Variants in WNT7A observed in about 807,000 individuals in gnomAD.
WNT7A encodes Wnt family member 7A, also known as protein Wnt-7a.
WNT7A carries 16 observed loss-of-function variants against 28.2 expected under a neutral mutation model. That is an observed-to-expected ratio of 0.57 (90% CI 0.38 to 0.86). The LOEUF (loss-of-function observed/expected upper bound fraction) is 0.86. WNT7A is among the 40% of genes least tolerant of loss of function. The probability of loss-of-function intolerance (pLI) is 0.00; values close to 1 mark genes in which losing one functional copy is unlikely to be tolerated. For missense variants in WNT7A, 411 were observed against 489.7 expected, an observed-to-expected ratio of 0.84 and a Z score of 1.52; for synonymous variants, 190 against 195.9, an observed-to-expected ratio of 0.97 and a Z score of 0.25.
At chr3:13,835,590 C>T (rs1212216085) in intron 3 of WNT7A, among the ~76,000 whole-genome samples, 1 of 152,246 alleles carries the variant, frequency 6.6e-6, no homozygotes, top group Non-Finnish European at 1.5e-5. Flanking sequence ...TCAGACCCTT[C>T]TCTCTTGGCC....
At chr3:13,824,444 T>C (rs1235177472) in intron 3 of WNT7A, among the ~76,000 whole-genome samples, 1 of 152,240 alleles carries the variant, frequency 6.6e-6, no homozygotes, top group Admixed American at 6.5e-5. Flanking sequence ...CTTTTCCTTT[T>C]CATGGCTGAA....
At chr3:13,872,751 GGCAC>G (rs1559308544) in intron 2 of WNT7A, among the ~76,000 whole-genome samples, 2 of 152,108 alleles carry the variant, frequency 1.3e-5, no homozygotes, top group African/African-American at 2.4e-5. Flanking sequence ...TCCTTGTCCA[GGCAC>G]TGCCCTGCAC....
chr3:13,830,982 TGGGTTAAATGACCGAA>T (rs1010969352), intron 3 of WNT7A, among the ~76,000 whole-genome samples: 2 of 152,210 alleles, frequency 1.3e-5, no homozygotes, highest in African/African-American at 4.8e-5. Flanking sequence ...ATGCAGCAGC[TGGGTTAAATGACCGAA>T]GGTGGAGTTC....
intron 3 of WNT7A, among the ~76,000 whole-genome samples, chr3:13,831,877 A>G (rs1694283592): frequency 6.6e-6 from 1 of 152,074 alleles, no homozygotes; most frequent in Non-Finnish European, 1.5e-5. Context: ...GTATCTCCCC[A>G]GAGTCCCGCC....
chr3:13,865,803 C>T (rs184683584), intron 2 of WNT7A, among the ~76,000 whole-genome samples: 1 of 152,098 alleles, frequency 6.6e-6, no homozygotes, highest in East Asian at 2.0e-4. Flanking sequence ...CCCCAGGACA[C>T]ATGCTGGCGG....
intron 3 of WNT7A, among the ~76,000 whole-genome samples, chr3:13,841,662 A>G (rs547870287): frequency 1.3e-5 from 2 of 152,276 alleles, no homozygotes; most frequent in African/African-American, 4.8e-5. Flanking sequence ...TCGAAGGCAC[A>G]GAGGGGAAAA....
chr3:13,875,325 C>T (rs964427990), intron 1 of WNT7A, 152 bp from the exon 2 acceptor site: 40 of 707,854 alleles, frequency 5.7e-5, no homozygotes, highest in African/African-American at 2.1e-4. Flanking sequence ...CATGTCCATT[C>T]GAATAGAAAC....
intron 1 of WNT7A, chr3:13,875,900 G>T (rs969547608): frequency 5.2e-5 from 8 of 152,944 alleles, no homozygotes; most frequent in African/African-American, 1.9e-4. Flanking sequence ...CATGTGCCAC[G>T]TACCATGCTA....
intron 2 of WNT7A, among the ~76,000 whole-genome samples, chr3:13,873,194 A>T (rs914331861): frequency 2.6e-5 from 4 of 152,078 alleles, no homozygotes; most frequent in African/African-American, 9.7e-5. Flanking sequence ...CCAACTAAAA[A>T]GTGAGCCCTG....
chr3:13,823,655 G>A (rs752998052), intron 3 of WNT7A, among the ~76,000 whole-genome samples: 1 of 152,232 alleles, frequency 6.6e-6, no homozygotes, highest in Non-Finnish European at 1.5e-5. Flanking sequence ...TTAAAGACCA[G>A]CTGCATGAAA....
At chr3:13,864,884 G>A (rs557297862) in intron 2 of WNT7A, among the ~76,000 whole-genome samples, 1 of 152,302 alleles carries the variant, frequency 6.6e-6, no homozygotes, top group South Asian at 2.1e-4. Context: ...TGAATTTTAT[G>A]CATGATTGAA....
chr3:13,831,527 G>A (rs1362875966), intron 3 of WNT7A, among the ~76,000 whole-genome samples: 1 of 152,180 alleles, frequency 6.6e-6, no homozygotes, highest in African/African-American at 2.4e-5. Context: ...GCTGGCTTGT[G>A]TAGTGGACAC....
chr3:13,858,334 A>G lies in WNT7A; in HGVS notation c.299-3531T>C, dbSNP rs73814724. On this transcript the variant is annotated intron_variant, in intron 2 of 3. Coordinates refer to ENST00000285018, the MANE Select transcript of WNT7A (RefSeq NM_004625.4). Reference sequence around the variant, plus strand: ...CCTCTCCCTTGGTTTCTCCCTGGGGAAGGGGCAGGAGGCAGAGGAGGGGGC... The same window carrying G: ...CCTCTCCCTTGGTTTCTCCCTGGGGGAGGGGCAGGAGGCAGAGGAGGGGGC... 6.2e-3 allele frequency among the ~76,000 whole-genome samples: 941 copies of G among 152,298 alleles called. 16 individuals are homozygous for G. Among genetic ancestry groups the G allele is most frequent in the African/African-American group, 0.021 (859 of 41,564 alleles).
chr3:13,835,966 G>A (rs1328650913), intron 3 of WNT7A, among the ~76,000 whole-genome samples: 2 of 152,184 alleles, frequency 1.3e-5, no homozygotes, highest in Non-Finnish European at 2.9e-5. Context: ...GCAATGTCCA[G>A]AACAGGAAAT....
In WNT7A at chr3:13,819,380, A is replaced by G; in HGVS notation, c.614T>C (p.Val205Ala). Reference protein sequence around the residue: ...NMKLECKCHGVSGSCTTKTCW... With the variant: ...NMKLECKCHGASGSCTTKTCW... ...CGTCTTGGTGGTGCACGAGCCTGAC[A>G]CGCCGTGGCACTTACATTCCAGCTT... The change falls in exon 4 of 4, where the codon GTG becomes GCG. Residue 205 changes from valine to alanine, a missense_variant. Val to Ala is a moderately conservative substitution (Grantham distance 64, BLOSUM62 0). Transcript: ENST00000285018. 6.2e-7 allele frequency: 1 copy of G among 1,613,468 alleles called. No homozygotes were observed. Among genetic ancestry groups the G allele is most frequent in the East Asian group, 2.2e-5 (1 of 44,874 alleles).
chr3:13,862,595 A>G (rs1299551617), intron 2 of WNT7A, among the ~76,000 whole-genome samples: 1 of 152,260 alleles, frequency 6.6e-6, no homozygotes, highest in African/African-American at 2.4e-5. Flanking sequence ...AGAATGCCAC[A>G]TGGGGCTGTC....
intron 2 of WNT7A, among the ~76,000 whole-genome samples, chr3:13,862,938 A>T (rs1282621926): frequency 6.6e-6 from 1 of 152,206 alleles, no homozygotes; most frequent in East Asian, 1.9e-4. Flanking sequence ...GGAAGTTTTA[A>T]AACAGAGCCC....
chr3:13,877,939 G>A (rs866009202), intron 1 of WNT7A, among the ~76,000 whole-genome samples: 8 of 152,340 alleles, frequency 5.3e-5, no homozygotes, highest in South Asian at 4.1e-4. Flanking sequence ...TGGGGAAATG[G>A]AAAAACCTTT....
intron 3 of WNT7A, among the ~76,000 whole-genome samples, chr3:13,841,938 G>A (rs184947101): frequency 6.6e-6 from 1 of 152,206 alleles, no homozygotes; most frequent in Non-Finnish European, 1.5e-5. Context: ...AGGTGAGAGG[G>A]TAAGTGTCTG....
Sources: gnomAD v4.1 joint callset for allele counts (sites outside exome capture counted in the v4.1 genomes callset) on GRCh38, gnomAD v4.1.1 for gene constraint, MANE v1.5 for transcripts, NCBI Gene and HGNC (gene_info 2026-07-23, HGNC 2026-07-21) for gene names.